The following TANGO6 variants were observed in gnomAD, a reference collection of about 807,000 sequenced individuals.
TANGO6 encodes transport and golgi organization 6 homolog, also known as transport and Golgi organization protein 6 homolog.
In TANGO6, 90 loss-of-function variants were observed where a neutral mutation model predicts 114.2. The ratio of observed to expected loss-of-function variants is 0.79; its 90% confidence interval spans 0.66 to 0.94. TANGO6 has a LOEUF of 0.94. Ranked by LOEUF, TANGO6 falls within the 40% of genes least tolerant of loss-of-function variation. The probability of loss-of-function intolerance (pLI) is 0.00; values close to 1 mark genes in which losing one functional copy is unlikely to be tolerated. For missense variants in TANGO6, 1,274 were observed against 1,315.3 expected, an observed-to-expected ratio of 0.97 and a Z score of 0.49; for synonymous variants, 477 against 509.8, an observed-to-expected ratio of 0.94 and a Z score of 0.87.
At chr16:69,063,835 A>C (rs576888185) in intron 17 of TANGO6, among the ~76,000 whole-genome samples, 165 of 135,996 alleles carry the variant, frequency 1.2e-3, no homozygotes, top group Middle Eastern at 3.6e-3. Context: ...TATTATTATT[A>C]TTATTATTAT....
chr16:69,053,127 A>T (rs868087798), intron 17 of TANGO6, among the ~76,000 whole-genome samples: 2 of 152,084 alleles, frequency 1.3e-5, no homozygotes, highest in South Asian at 4.1e-4. Flanking sequence ...AAATAATAGT[A>T]CCACTTTATA....
intron 17 of TANGO6, among the ~76,000 whole-genome samples, chr16:69,045,167 A>T (rs1426535814): frequency 6.7e-6 from 1 of 150,072 alleles, no homozygotes; most frequent in African/African-American, 2.5e-5. Flanking sequence ...AAAAAAAAAA[A>T]AAAAAAGCTG....
chr16:69,030,120 A>G (rs1180466244), intron 16 of TANGO6, among the ~76,000 whole-genome samples: 1 of 151,704 alleles, frequency 6.6e-6, no homozygotes, highest in African/African-American at 2.4e-5. Flanking sequence ...AAAAAAAAAA[A>G]AAAAAAAGGG....
chr16:68,966,567 T>A (rs1963647882), intron 14 of TANGO6, among the ~76,000 whole-genome samples: 1 of 152,100 alleles, frequency 6.6e-6, no homozygotes, highest in East Asian at 1.9e-4. Flanking sequence ...GTTTTTAGTA[T>A]ATTTTCAGAG....
chr16:69,064,205 T>C (rs1960180959), intron 17 of TANGO6, among the ~76,000 whole-genome samples: 1 of 152,140 alleles, frequency 6.6e-6, no homozygotes, highest in South Asian at 2.1e-4. Context: ...ATGCGTATAT[T>C]AGCACATAAT....
At chr16:69,029,664 G>C (rs910852186) in intron 16 of TANGO6, among the ~76,000 whole-genome samples, 3 of 152,106 alleles carry the variant, frequency 2.0e-5, no homozygotes, top group African/African-American at 7.2e-5. Context: ...GGCCGTTGCA[G>C]TGCTAAACAG....
rs768628995 is a variant in TANGO6 at position 68,860,167 on chromosome 16, G to C, written c.378G>C (p.Pro126=). 3 of 1,613,948 alleles carry C rather than the reference G, an allele frequency of 1.9e-6. No homozygotes were observed. The highest frequency in any genetic ancestry group is 2.5e-6 in the Non-Finnish European group (3 of 1,179,906). The part of the protein sequence containing the change: ...FNPGKPNPRT[P]EVAPALSPDA... ...CAGGTAAACCCAACCCTAGGACTCCGGAAGTTGCTCCTGCCCTGAGCCCCG... is the reference window on the plus strand; with the variant it reads ...CAGGTAAACCCAACCCTAGGACTCCCGAAGTTGCTCCTGCCCTGAGCCCCG... Residue 126 remains proline, a synonymous_variant, in exon 2 of 18, where the codon CCG becomes CCC. Coordinates refer to ENST00000261778, the MANE Select transcript of TANGO6 (RefSeq NM_024562.2).
At chr16:68,950,439 C>T (rs1963460223) in intron 14 of TANGO6, among the ~76,000 whole-genome samples, 2 of 151,986 alleles carry the variant, frequency 1.3e-5, no homozygotes, top group African/African-American at 4.8e-5. Context: ...AGTATGGGTT[C>T]CTATAATCCC....
chr16:68,999,953 T>A lies in TANGO6; in HGVS notation c.2843-22875T>A, dbSNP rs79029587. Among the ~76,000 whole-genome samples, 1,030 of 152,284 alleles carry A rather than the reference T, an allele frequency of 6.8e-3. 42 individuals carry two copies. The East Asian group carries it at 0.11, about 16-fold the overall frequency. ...GTATATTGAAGAGTGCTTGTCAGAG[T>A]CCTGTAGCTGATTACAAACCATCTT... On this transcript the variant is annotated intron_variant, in intron 15 of 17. Coordinates refer to ENST00000261778, the MANE Select transcript of TANGO6 (RefSeq NM_024562.2).
At chr16:68,862,284 G>T (rs1189862390) in intron 2 of TANGO6, among the ~76,000 whole-genome samples, 2 of 152,186 alleles carry the variant, frequency 1.3e-5, no homozygotes, top group Non-Finnish European at 2.9e-5. Context: ...GTGCAATCTT[G>T]ACTCACTGTA....
At chr16:68,885,979 G>A (rs1962534440) in intron 7 of TANGO6, among the ~76,000 whole-genome samples, 1 of 152,148 alleles carries the variant, frequency 6.6e-6, no homozygotes, top group African/African-American at 2.4e-5. Flanking sequence ...CTTTTCCGAA[G>A]CAGCTACACC....
intron 16 of TANGO6, chr16:69,033,877 C>A (rs912170674): frequency 5.8e-6 from 1 of 171,914 alleles, no homozygotes; most frequent in South Asian, 1.6e-4. Context: ...ATATGAAGAT[C>A]AAGTCCCTGG....
chr16:68,862,918 C>T (rs1962120098), intron 2 of TANGO6, 27 bp from the exon 3 acceptor site: 1 of 1,493,876 alleles, frequency 6.7e-7, no homozygotes, highest in Non-Finnish European at 9.2e-7. Flanking sequence ...TTGAATTCCA[C>T]TAAAGCCAAG....
intron 12 of TANGO6, among the ~76,000 whole-genome samples, chr16:68,920,447 C>G (rs898424395): frequency 4.6e-5 from 7 of 152,156 alleles, no homozygotes; most frequent in Non-Finnish European, 2.9e-5. Flanking sequence ...GAAGAGCATG[C>G]CTGCAAGGAC....
At chr16:69,079,144 G>A (rs1267198277) in intron 17 of TANGO6, among the ~76,000 whole-genome samples, 1 of 150,324 alleles carries the variant, frequency 6.7e-6, no homozygotes, top group East Asian at 2.1e-4. Flanking sequence ...TGACCAACAT[G>A]GCAAAACCCT....
At chr16:69,042,445 A>G (rs1201733168) in intron 17 of TANGO6, among the ~76,000 whole-genome samples, 1 of 152,080 alleles carries the variant, frequency 6.6e-6, no homozygotes, top group African/African-American at 2.4e-5. Context: ...TACTTGGGAG[A>G]CTGAAGCAGG....
chr16:69,056,362 A>G lies in TANGO6; in HGVS notation c.3108+15941A>G, dbSNP rs564837493. On this transcript the variant is annotated intron_variant, in intron 17 of 17. Transcript: ENST00000261778. ...GTTTCTCATTTAAACATTTAATGTC[A>G]CAGAATTTTAGGATGTTAGAAGTGG... Among the ~76,000 whole-genome samples, 10 of 152,304 alleles carry G rather than the reference A, an allele frequency of 6.6e-5. No homozygotes were observed. In the South Asian group the frequency reaches 2.1e-3, roughly 32 times the overall value.
chr16:68,945,272 A>G (rs1356450091), intron 14 of TANGO6, among the ~76,000 whole-genome samples: 2 of 152,256 alleles, frequency 1.3e-5, no homozygotes, highest in African/African-American at 4.8e-5. Context: ...CTGAGGAGTG[A>G]CAGTGGTGGG....
chr16:68,943,238 C>A (rs1244809000), intron 14 of TANGO6, among the ~76,000 whole-genome samples: 1 of 149,240 alleles, frequency 6.7e-6, no homozygotes, highest in Non-Finnish European at 1.5e-5. Flanking sequence ...TTTTTTATTT[C>A]TCTTTTTTTC....
Sources: gnomAD v4.1 joint callset for allele counts (sites outside exome capture counted in the v4.1 genomes callset) on GRCh38, gnomAD v4.1.1 for gene constraint, MANE v1.5 for transcripts, NCBI Gene and HGNC (gene_info 2026-07-23, HGNC 2026-07-21) for gene names.